The following PHGR1 variants were observed in gnomAD, a reference collection of about 807,000 sequenced individuals.
PHGR1 encodes the protein proline, histidine and glycine-rich protein 1.
In PHGR1, 3 loss-of-function variants were observed where a neutral mutation model predicts 4.9. The observed-to-expected ratio is 0.61, with a 90% CI of 0.28 to 1.58. The LOEUF (loss-of-function observed/expected upper bound fraction) is 1.58, where lower values mean the gene tolerates loss of function less well. Ranked by LOEUF, PHGR1 falls within the 40% of genes most tolerant of loss-of-function variation. The pLI, the probability that PHGR1 is intolerant of heterozygous loss-of-function variation, is 0.11. For missense variants in PHGR1, 81 were observed against 118.7 expected, an observed-to-expected ratio of 0.68 and a Z score of 1.48; for synonymous variants, 32 against 46.1, an observed-to-expected ratio of 0.69 and a Z score of 1.24.
intron 2 of PHGR1, 58 bp from the exon 3 acceptor site, chr15:40,354,287 T>A: frequency 6.6e-7 from 1 of 1,525,968 alleles, no homozygotes; most frequent in Non-Finnish European, 8.8e-7. Context: ...CAGGTTTTTT[T>A]TTACTGCAGA....
rs991859800 is a variant in PHGR1, at chr15:40,353,438, C to T, written c.10+171C>T. 9.0e-6 allele frequency: 7 copies of T among 774,114 alleles called. No individual in the cohort carries two copies. The African/African-American group carries it at 1.2e-4, about 14-fold the overall frequency. The allele number at this position is 774,114 out of a possible 1,614,324, so 48.0% of individuals were successfully genotyped here. A position where few individuals can be genotyped will look rare whatever the true frequency, so the allele number is the denominator to read the frequency against. ...CACAATGAAGACAAGCCCTTACATA[C>T]TGTAGAACATGTTACAGTTTAAAAA... is the stretch of plus-strand genomic sequence containing the variant. On this transcript the variant is annotated intron_variant, in intron 2 of 3. Transcript: ENST00000448599.
chr15:40,354,023 G>A (rs1889250135), intron 2 of PHGR1, among the ~76,000 whole-genome samples: 1 of 152,158 alleles, frequency 6.6e-6, no homozygotes. Context: ...GACAGGGTTG[G>A]CCACCATGGA....
At chr15:40,355,770 GA>G (rs1478226558) in intron 3 of PHGR1, among the ~76,000 whole-genome samples, 3 of 152,202 alleles carry the variant, frequency 2.0e-5, no homozygotes, top group Non-Finnish European at 4.4e-5. Context: ...AGGAGAAGAT[GA>G]AATAATTCTG....
At chr15:40,355,437 A>G (rs1180042865) in intron 3 of PHGR1, among the ~76,000 whole-genome samples, 3 of 152,198 alleles carry the variant, frequency 2.0e-5, no homozygotes, top group African/African-American at 7.2e-5. Context: ...ACCCATGCAC[A>G]CGTACACAAA....
chr15:40,354,263 T>G, intron 2 of PHGR1, 82 bp from the exon 3 acceptor site: 3 of 1,474,742 alleles, frequency 2.0e-6, no homozygotes, highest in Non-Finnish European at 2.7e-6. Flanking sequence ...AAATCCTTAG[T>G]GCCAGGGAGA....
Position 40,353,280 on chromosome 15 carries a change from G to A in PHGR1, c.10+13G>A. On this transcript the variant is annotated intron_variant, in intron 2 of 3. Coordinates refer to ENST00000448599, the MANE Select transcript of PHGR1 (RefSeq NM_001145643.2). ...AAGATGGACCCAGGTAAGCACTGTG[G>A]CTGAGAGGCTGGGAATTGGAAGAAG... 6.4e-7 allele frequency: 1 copy of A among 1,551,642 alleles called. No individual in the cohort carries two copies. The highest frequency in any genetic ancestry group is 8.7e-7 in the Non-Finnish European group (1 of 1,146,954).
chr15:40,353,130 TGTGTGTGTGTGTGTGTGC>T, intron 1 of PHGR1, 84 bp from the exon 2 acceptor site: 1 of 874,976 alleles, frequency 1.1e-6, no homozygotes, highest in Non-Finnish European at 1.8e-6. Context: ...TGTGTGTGTG[TGTGTGTGTGTGTGTGTGC>T]GCGCGCGCGC....
At chr15:40,352,021 G>A (rs568025871) in intron 1 of PHGR1, among the ~76,000 whole-genome samples, 6 of 152,198 alleles carry the variant, frequency 3.9e-5, no homozygotes, top group Non-Finnish European at 8.8e-5. Context: ...ACAGGCATGA[G>A]CCGCTGTGCC....
At chr15:40,353,386 G>A in intron 2 of PHGR1, 119 bp downstream of exon 2, 2 of 1,316,402 alleles carry the variant, frequency 1.5e-6, no homozygotes, top group Non-Finnish European at 1.1e-6. Context: ...GTGCGTGTGT[G>A]TTTGTATGAA....
At chr15:40,353,351 T>C in intron 2 of PHGR1, 84 bp downstream of exon 2, 3 of 1,530,856 alleles carry the variant, frequency 2.0e-6, no homozygotes, top group East Asian at 2.5e-5. Flanking sequence ...CAGTCAGCCA[T>C]AACTAGTGCG....
chr15:40,354,390 C>T (rs1384611129), intron 3 of PHGR1, 38 bp downstream of exon 3: 2 of 1,525,236 alleles, frequency 1.3e-6, no homozygotes, highest in Admixed American at 2.0e-5. Context: ...CTTTTTCCTC[C>T]CACTGTCATG....
intron 2 of PHGR1, 113 bp from the exon 3 acceptor site, chr15:40,354,232 T>G: frequency 8.6e-7 from 1 of 1,166,028 alleles, no homozygotes; most frequent in Non-Finnish European, 1.2e-6. Context: ...GAGGCCCTGT[T>G]GGGTTAGGGG....
At chr15:40,353,324 G>A in intron 2 of PHGR1, 57 bp downstream of exon 2, 1 of 1,549,656 alleles carries the variant, frequency 6.5e-7, no homozygotes, top group African/African-American at 1.4e-5. Flanking sequence ...CAGGAGAGCG[G>A]TAAAGGCAGG....
Position 40,356,268 on chromosome 15 carries a change from G to T in PHGR1, c.214G>T (p.Gly72Cys). 2 of 1,548,666 alleles carry T rather than the reference G, an allele frequency of 1.3e-6. No individual in the cohort carries two copies. Among genetic ancestry groups the T allele is most frequent in the African/African-American group, 1.4e-5 (1 of 72,740 alleles). ...GCCCTGCGGGCCTCCCCCTGGCCAT[G>T]GCCCAGGTCACCCACCCCCTGGTCC... ...PGPCGPPPGH[G>C]PGHPPPGPHH Residue 72 changes from glycine to cysteine, a missense_variant, in exon 4 of 4, where the codon GGC (glycine) becomes TGC (cysteine). Gly to Cys is a radical substitution (Grantham distance 159, BLOSUM62 -3). Coordinates refer to ENST00000448599, the MANE Select transcript of PHGR1 (RefSeq NM_001145643.2).
chr15:40,352,160 G>A (rs539801395), intron 1 of PHGR1, among the ~76,000 whole-genome samples: 2 of 152,214 alleles, frequency 1.3e-5, no homozygotes, highest in African/African-American at 4.8e-5. Context: ...CTGTGATCAC[G>A]CCACTGCACT....
chr15:40,356,412 G>A lies in PHGR1; in HGVS notation c.*109G>A. 13 of 1,499,090 alleles carry A rather than the reference G, an allele frequency of 8.7e-6. No homozygotes were observed. The highest frequency in any genetic ancestry group is 2.5e-5 in the East Asian group (1 of 40,656). 92.9% of individuals were successfully genotyped at this position (1,499,090 alleles called of 1,614,324 possible). A position where few individuals can be genotyped will look rare whatever the true frequency, so the allele number is the denominator to read the frequency against. On this transcript the variant is annotated 3_prime_UTR_variant, in exon 4 of 4. Coordinates refer to ENST00000448599, the MANE Select transcript of PHGR1 (RefSeq NM_001145643.2). ...TCTCTTCCTAATAAACAGCCTCCTA[G>A]AGGCCACATTCTATTCTTTAAAGAG...
intron 2 of PHGR1, 92 bp downstream of exon 2, chr15:40,353,359 G>A: frequency 6.6e-7 from 1 of 1,507,872 alleles, no homozygotes; most frequent in South Asian, 1.2e-5. Flanking sequence ...CATAACTAGT[G>A]CGTGCCAAAA....
At chr15:40,354,443 GCCA>G (rs1482597378) in intron 3 of PHGR1, 91 bp downstream of exon 3, 1 of 1,396,850 alleles carries the variant, frequency 7.2e-7, no homozygotes, top group African/African-American at 1.5e-5. Flanking sequence ...TCAGGGAGCA[GCCA>G]CCACTTCCCC....
chr15:40,353,337 CTA>C, intron 2 of PHGR1, 70 bp downstream of exon 2: 1 of 1,545,648 alleles, frequency 6.5e-7, no homozygotes, highest in Admixed American at 2.0e-5. Flanking sequence ...AAGGCAGGGA[CTA>C]TCAGTCAGCC....
Sources: gnomAD v4.1 joint callset for allele counts (sites outside exome capture counted in the v4.1 genomes callset) on GRCh38, gnomAD v4.1.1 for gene constraint, MANE v1.5 for transcripts, NCBI Gene and HGNC (gene_info 2026-07-23, HGNC 2026-07-21) for gene names.